ATG2A: variants seen among roughly 807,000 people sequenced by gnomAD.
ATG2A encodes autophagy-related protein 2 homolog A.
ATG2A carries 103 observed loss-of-function variants against 214.2 expected under a neutral mutation model. The ratio of observed to expected loss-of-function variants is 0.48; its 90% confidence interval spans 0.41 to 0.57. The LOEUF (loss-of-function observed/expected upper bound fraction) is 0.57, where lower values mean the gene tolerates loss of function less well. Ranked by LOEUF, ATG2A falls within the 20% of genes least tolerant of loss-of-function variation. ATG2A has a pLI of 0.00. For synonymous variants in ATG2A, 1,160 were observed against 1,142.1 expected (o/e 1.02, Z -0.32); for missense variants, 2,312 against 2,613.2 (o/e 0.88, Z 2.51).
chr11:64,911,558 AT>A, intron 9 of ATG2A, among the ~76,000 whole-genome samples: 1 of 152,274 alleles, frequency 6.6e-6, no homozygotes, highest in East Asian at 1.9e-4. Flanking sequence ...ATGAACCCAG[AT>A]ATACAGCCTG....
Position 64,912,222 on chromosome 11 carries a change from T to A in ATG2A, c.950A>T (p.Asn317Ile). The A allele has an allele frequency of 6.2e-7, 1 of 1,613,558 alleles. No individual in the cohort carries two copies. The highest frequency in any genetic ancestry group is 8.5e-7 in the Non-Finnish European group (1 of 1,179,808). Residue 317 changes from asparagine (N) to isoleucine (I), a missense_variant, in exon 8 of 41, where the codon AAC becomes ATC. Asn to Ile is a moderately radical substitution (Grantham distance 149). Coordinates refer to ENST00000377264, the MANE Select transcript of ATG2A (RefSeq NM_015104.3). ...TDHEGLADKL[N>I]KSRPLGAEDL... Reference sequence around the variant, plus strand: ...TTCGGCACCTAGCGGGCGGCTCTTGTTCAGCTTGTCAGCCAGGCCCTCGTG... The same window carrying A: ...TTCGGCACCTAGCGGGCGGCTCTTGATCAGCTTGTCAGCCAGGCCCTCGTG...
chr11:64,906,313 GGA>G lies in ATG2A; in HGVS notation c.3183+19_3183+20del. 6.2e-7 allele frequency: 1 copy of G among 1,611,466 alleles called. No homozygotes were observed. Among genetic ancestry groups the G allele is most frequent in the Non-Finnish European group, 8.5e-7 (1 of 1,178,680 alleles). On this transcript the variant is annotated intron_variant, in intron 21 of 40. Transcript: ENST00000377264. ...TGCAGCCCAGGCTAGCAGGAGGGGT[GGA>G]TGGTAGGCAAGCCCATACCTTCACA...
Position 64,903,359 on chromosome 11 carries a change from C to T in ATG2A, c.3541G>A (p.Val1181Ile). Residue 1181 changes from valine (V) to isoleucine (I), a missense_variant, in exon 26 of 41, where the codon GTC (valine) becomes ATC (isoleucine). Val to Ile is a conservative substitution (Grantham distance 29). Transcript: ENST00000377264. This position sits in a 1 kb window ranked among gnomAD's most constrained non-coding sequence, Gnocchi z 4.2. Reference protein sequence around the residue: ...VETLDLRRDYVCVLDVDLLEL... With the variant: ...VETLDLRRDYICVLDVDLLEL... ...AAGAGGTCAACATCCAAAACACAGA[C>T]ATAATCTGCAGCAGAGGCGAGAGAA... 1 of 1,614,110 alleles carries T rather than the reference C, an allele frequency of 6.2e-7. No homozygotes were observed.
intron 37 of ATG2A, 34 bp downstream of exon 37, chr11:64,897,378 A>G: frequency 6.4e-7 from 1 of 1,551,070 alleles, no homozygotes; most frequent in Non-Finnish European, 8.7e-7. Context: ...AAGATCAGGG[A>G]CCCTGGAGAG....
rs1403739065 is a variant in ATG2A, at chr11:64,897,941, G to C, written c.4892C>G (p.Pro1631Arg). 14 of 1,548,944 alleles carry C rather than the reference G, an allele frequency of 9.0e-6. No individual in the cohort carries two copies. Among genetic ancestry groups the C allele is most frequent in the Non-Finnish European group, 1.2e-5 (14 of 1,149,830 alleles). Residue 1631 changes from proline (P) to arginine (R), a missense_variant, in exon 35 of 41, where the codon CCC (proline) becomes CGC (arginine). By Grantham distance (103) the Pro-to-Arg change is moderately radical. Coordinates refer to ENST00000377264, the MANE Select transcript of ATG2A (RefSeq NM_015104.3). ...TACGCCTTCGGCCTGCCCTTCCAGG[G>C]GGCTGCTGGGCTGGGCTCGAGTCTC... is the stretch of plus-strand genomic sequence containing the variant. ...RPETRAQPSSPLEGQAEGVET... is the reference protein window; with the variant it reads ...RPETRAQPSSRLEGQAEGVET...
chr11:64,902,399 G>T lies in ATG2A; in HGVS notation c.3778-13C>A. The T allele has an allele frequency of 6.4e-7, 1 of 1,551,818 alleles. No homozygotes were observed. Among genetic ancestry groups the T allele is most frequent in the Non-Finnish European group, 8.7e-7 (1 of 1,148,102 alleles). ...GACTCTCCGAGAGCTGGGCCAGGCA[G>T]GGGAGGAGCAATGAGTGAGACAGGA... On this transcript the variant is annotated splice_polypyrimidine_tract_variant and intron_variant, in intron 27 of 40. Transcript: ENST00000377264.
Position 64,905,580 on chromosome 11 carries a change from G to T in ATG2A, c.3447C>A (p.Thr1149=). The change falls in exon 24 of 41, where the codon ACC becomes ACA. Residue 1149 remains threonine, a synonymous_variant. Coordinates refer to ENST00000377264, the MANE Select transcript of ATG2A (RefSeq NM_015104.3). ...FTLSSNIIMD[T]STFLLRFILD... The stretch of plus-strand genomic sequence containing the variant: ...CTGCATACCTGAGCAGGAAGGTGGA[G>T]GTGTCCATGATGATGTTGCTGGAGA... 6.2e-7 allele frequency: 1 copy of T among 1,612,540 alleles called. No individual in the cohort carries two copies. The highest frequency in any genetic ancestry group is 8.5e-7 in the Non-Finnish European group (1 of 1,179,494).
chr11:64,912,285 C>CCCAA, intron 7 of ATG2A, 36 bp from the exon 8 acceptor site: 1 of 1,592,010 alleles, frequency 6.3e-7, no homozygotes, highest in Non-Finnish European at 8.6e-7. Context: ...GGCTGGCTGG[C>CCCAA]CCTCCCAGCC....
rs772164313 is a variant in ATG2A, at chr11:64,903,626, C to T, written c.3499G>A (p.Asp1167Asn). 15 of 1,549,944 alleles carry T rather than the reference C, an allele frequency of 9.7e-6. No individual in the cohort carries two copies. Among genetic ancestry groups the T allele is most frequent in the African/African-American group, 2.7e-5 (2 of 73,016 alleles). The change falls in exon 25 of 41, where the codon GAC becomes AAC. Residue 1167 changes from aspartate (D) to asparagine (N), a missense_variant. Asp to Asn is a conservative substitution (Grantham distance 23, BLOSUM62 1). Coordinates refer to ENST00000377264, the MANE Select transcript of ATG2A (RefSeq NM_015104.3). The surrounding 1 kb of genome is among the most constrained non-coding windows in gnomAD (Gnocchi z 4.2). ...TCCAGGGTCTCCACCTCACACTTGTCGGACAGGTACAAGGCGGAGTCATCG... is the reference window on the plus strand; with the variant it reads ...TCCAGGGTCTCCACCTCACACTTGTTGGACAGGTACAAGGCGGAGTCATCG... ...ILDDSALYLS[D>N]KCEVETLDLR...
At chr11:64,900,444 C>G in intron 31 of ATG2A, 50 bp downstream of exon 31, 1 of 1,610,694 alleles carries the variant, frequency 6.2e-7, no homozygotes, top group South Asian at 1.1e-5. Context: ...AGAACAAGGC[C>G]CGTTGTTCTA....
chr11:64,896,208 G>A (rs555578902), intron 39 of ATG2A, among the ~76,000 whole-genome samples: 9 of 152,372 alleles, frequency 5.9e-5, no homozygotes, highest in African/African-American at 2.2e-4. Context: ...GCCATGAGCA[G>A]GAGACACAGT....
At position 64,898,101 on chromosome 11, in the gene ATG2A, C is replaced by T; in HGVS notation, c.4843G>A (p.Glu1615Lys). ...VAGINPVVPGETSAEARPETR... is the reference protein window; with the variant it reads ...VAGINPVVPGKTSAEARPETR... Reference sequence around the variant, plus strand: ...AGCCTCTCACCCTCAGCGGAGGTCTCCCCTGGGACCACGGGGTTGATGCCG... The same window carrying T: ...AGCCTCTCACCCTCAGCGGAGGTCTTCCCTGGGACCACGGGGTTGATGCCG... Residue 1615 changes from glutamate to lysine, a missense_variant, in exon 34 of 41, where the codon GAG (glutamate) becomes AAG (lysine). By Grantham distance (56) the Glu-to-Lys change is moderately conservative. Coordinates refer to ENST00000377264, the MANE Select transcript of ATG2A (RefSeq NM_015104.3). The surrounding 1 kb of genome is among the most constrained non-coding windows in gnomAD (Gnocchi z 4.5). 6.2e-7 allele frequency: 1 copy of T among 1,614,030 alleles called. No individual in the cohort carries two copies.
Position 64,902,392 on chromosome 11 carries a change from C to T in ATG2A, c.3778-6G>A. Reference sequence around the variant, plus strand: ...GAGGCAGGACTCTCCGAGAGCTGGGCCAGGCAGGGGAGGAGCAATGAGTGA... The same window carrying T: ...GAGGCAGGACTCTCCGAGAGCTGGGTCAGGCAGGGGAGGAGCAATGAGTGA... On this transcript the variant is annotated splice_polypyrimidine_tract_variant and splice_region_variant and intron_variant, in intron 27 of 40. Coordinates refer to ENST00000377264, the MANE Select transcript of ATG2A (RefSeq NM_015104.3). 6.4e-7 allele frequency: 1 copy of T among 1,558,774 alleles called. No homozygotes were observed. Among genetic ancestry groups the T allele is most frequent in the Non-Finnish European group, 8.7e-7 (1 of 1,152,124 alleles).
rs961538393 is a variant in ATG2A at position 64,903,423 on chromosome 11, C to A, written c.3536-59G>T. ...CCCTTCCACCCGGCCCCGGCCCCAG[C>A]ACCTGGGGGAAGGATCCGGTTGATC... On this transcript the variant is annotated intron_variant, in intron 25 of 40. Coordinates refer to ENST00000377264, the MANE Select transcript of ATG2A (RefSeq NM_015104.3). The surrounding 1 kb of genome is among the most constrained non-coding windows in gnomAD (Gnocchi z 4.2). The A allele has an allele frequency of 1.3e-6, 2 of 1,584,840 alleles. No homozygotes were observed. Among genetic ancestry groups the A allele is most frequent in the Non-Finnish European group, 1.7e-6 (2 of 1,156,216 alleles).
Position 64,909,721 on chromosome 11 carries a change from T to A in ATG2A, c.2067A>T (p.Pro689=), listed in dbSNP as rs764188687. Residue 689 remains proline (P), a synonymous_variant, in exon 14 of 41, where the codon CCA becomes CCT. Transcript: ENST00000377264. ...RSELSSGPGP[P]VPTHLELTCS... Reference sequence around the variant, plus strand: ...AGGTGAGTTCCAGGTGGGTGGGGACTGGGGGACCAGGCCCACTGCTAAGCT... The same window carrying A: ...AGGTGAGTTCCAGGTGGGTGGGGACAGGGGGACCAGGCCCACTGCTAAGCT... The A allele has an allele frequency of 3.1e-6, 5 of 1,613,144 alleles. No individual in the cohort carries two copies. In the East Asian group the frequency reaches 1.1e-4, roughly 36 times the overall value.
intron 16 of ATG2A, 97 bp downstream of exon 16, chr11:64,908,894 T>C: frequency 1.4e-6 from 2 of 1,429,250 alleles, no homozygotes; most frequent in Non-Finnish European, 1.9e-6. Flanking sequence ...CAGGTGGTCG[T>C]GCTGCCCTGG....
chr11:64,912,941 G>A, intron 6 of ATG2A, 97 bp downstream of exon 6: 1 of 899,286 alleles, frequency 1.1e-6, no homozygotes, highest in Non-Finnish European at 1.7e-6. Flanking sequence ...TCCCGCACTT[G>A]ACATCCCCAC....
chr11:64,898,132 C>T lies in ATG2A; in HGVS notation c.4812G>A (p.Leu1604=), dbSNP rs773073516. 10 of 1,614,116 alleles carry T rather than the reference C, an allele frequency of 6.2e-6. No individual in the cohort carries two copies. The highest frequency in any genetic ancestry group is 2.7e-5 in the African/African-American group (2 of 75,028). The change falls in exon 34 of 41, where the codon CTG becomes CTA. Residue 1604 remains leucine, a synonymous_variant. Transcript: ENST00000377264. The surrounding 1 kb of genome is among the most constrained non-coding windows in gnomAD (Gnocchi z 4.5). ...GGACCACGGGGTTGATGCCGGCCAC[C>T]AGACTAGTGAAGAAGTCCTTGAGGA... ...LFFLKDFFTS[L]VAGINPVVPG... is the part of the protein sequence containing the mutation.
chr11:64,903,456 A>G lies in ATG2A; in HGVS notation c.3536-92T>C. ...GGAAGGATCCGGTTGATCCAGGTGTAGTCCCTGCTGTGCGGGCTACGTGTG... is the reference window on the plus strand; with the variant it reads ...GGAAGGATCCGGTTGATCCAGGTGTGGTCCCTGCTGTGCGGGCTACGTGTG... On this transcript the variant is annotated intron_variant, in intron 25 of 40. Coordinates refer to ENST00000377264, the MANE Select transcript of ATG2A (RefSeq NM_015104.3). This position sits in a 1 kb window ranked among gnomAD's most constrained non-coding sequence, Gnocchi z 4.2. The G allele has an allele frequency of 6.5e-7, 1 of 1,534,504 alleles. No individual in the cohort carries two copies. Among genetic ancestry groups the G allele is most frequent in the Non-Finnish European group, 8.9e-7 (1 of 1,119,636 alleles).
Sources: allele counts gnomAD v4.1 joint callset (sites outside exome capture counted in the v4.1 genomes callset), GRCh38; gene constraint gnomAD v4.1.1; non-coding constraint Gnocchi (gnomAD v3.1); transcripts MANE v1.5; gene names NCBI Gene and HGNC (gene_info 2026-07-23, HGNC 2026-07-21).